The following SOX5 variants were observed in gnomAD, a reference collection of about 807,000 sequenced individuals.
SOX5 encodes the protein SRY-box transcription factor 5, also known as transcription factor SOX-5.
A neutral mutation model predicts 92.0 loss-of-function variants in SOX5; 9 were observed. The observed-to-expected ratio is 0.10, with a 90% CI of 0.06 to 0.17. The LOEUF (loss-of-function observed/expected upper bound fraction) is 0.17, where lower values mean the gene tolerates loss of function less well. Ranked by LOEUF, SOX5 falls within the 10% of genes least tolerant of loss-of-function variation. The pLI, the probability that SOX5 is intolerant of heterozygous loss-of-function variation, is 1.00. For synonymous variants in SOX5, 344 were observed against 336.3 expected (o/e 1.02, Z -0.25); for missense variants, 642 against 944.5 (o/e 0.68, Z 4.20).
intron 3 of SOX5, among the ~76,000 whole-genome samples, chr12:24,242,757 A>G (rs931692614): frequency 2.0e-5 from 3 of 152,182 alleles, no homozygotes; most frequent in Non-Finnish European, 4.4e-5. Flanking sequence ...CCTCATGTAT[A>G]GTTAGCGAGA....
chr12:23,623,450 C>T (rs1262806558), intron 8 of SOX5, among the ~76,000 whole-genome samples: 3 of 152,028 alleles, frequency 2.0e-5, no homozygotes, highest in African/African-American at 7.2e-5. Flanking sequence ...TAAGATGTAG[C>T]CCAGCCCCAA....
intron 3 of SOX5, among the ~76,000 whole-genome samples, chr12:23,788,736 A>C (rs2141917072): frequency 6.6e-6 from 1 of 152,106 alleles, no homozygotes; most frequent in East Asian, 1.9e-4. Context: ...ACACAGCAGA[A>C]ATTCTATATT....
chr12:23,861,819 C>A (rs777272881), intron 2 of SOX5, among the ~76,000 whole-genome samples: 27 of 152,070 alleles, frequency 1.8e-4, no homozygotes, highest in Non-Finnish European at 3.7e-4. Context: ...AAGCTCCTTA[C>A]AAAAGTCCTT....
chr12:23,949,693 T>C (rs369084021), upstream of SOX5: 10 of 1,596,930 alleles, frequency 6.3e-6, no homozygotes, highest in African/African-American at 1.4e-5. Flanking sequence ...TCTAAACCAA[T>C]TGATTTTCTC....
intron 2 of SOX5, among the ~76,000 whole-genome samples, chr12:23,893,539 A>T (rs982502809): frequency 6.6e-6 from 1 of 152,054 alleles, no homozygotes; most frequent in African/African-American, 2.4e-5. Flanking sequence ...AGTTTAATAT[A>T]CTTCTCTCAT....
rs2097172928 is a variant in SOX5 at position 23,895,948 on chromosome 12, C to T, written c.115G>A (p.Val39Met). Residue 39 changes from valine to methionine, a missense_variant, in exon 2 of 15, where the codon GTG (valine) becomes ATG (methionine). Val to Met is a conservative substitution (Grantham distance 21, BLOSUM62 1). Coordinates refer to ENST00000451604, the MANE Select transcript of SOX5 (RefSeq NM_006940.6). ...AGCCCGTCACTCTCCTCTTCTTCCA[C>T]TTTCTGTCTGCTTGTCACCATGGCT... The part of the protein sequence containing the change: ...EVAMVTSRQK[V>M]EEEESDGLPA... The T allele has an allele frequency of 1.2e-6, 2 of 1,614,064 alleles. No homozygotes were observed. The highest frequency in any genetic ancestry group is 1.7e-6 in the Non-Finnish European group (2 of 1,180,006).
intron 1 of SOX5, among the ~76,000 whole-genome samples, chr12:24,406,285 C>A (rs185623339): frequency 6.6e-6 from 1 of 152,040 alleles, no homozygotes; most frequent in Admixed American, 6.5e-5. Flanking sequence ...GGGAGTAGGG[C>A]GCTGAAGGAG....
intron 3 of SOX5, among the ~76,000 whole-genome samples, chr12:24,228,535 C>A (rs925036410): frequency 6.6e-6 from 1 of 152,076 alleles, no homozygotes; most frequent in African/African-American, 2.4e-5. Flanking sequence ...CCTCTTCTCC[C>A]ACCACACACA....
intron 1 of SOX5, among the ~76,000 whole-genome samples, chr12:24,476,247 A>G (rs759454919): frequency 6.6e-6 from 1 of 152,220 alleles, no homozygotes; most frequent in Non-Finnish European, 1.5e-5. Context: ...GTGAAAAATC[A>G]GGGCTTGGAT....
At chr12:23,570,972 T>A (rs1592167735) in intron 10 of SOX5, among the ~76,000 whole-genome samples, 17 of 113,050 alleles carry the variant, frequency 1.5e-4, no homozygotes, top group Non-Finnish European at 2.6e-4. Flanking sequence ...TATATATATA[T>A]ATATATATAT....
intron 8 of SOX5, among the ~76,000 whole-genome samples, chr12:23,612,179 G>T (rs1302890455): frequency 6.6e-6 from 1 of 151,868 alleles, no homozygotes; most frequent in Non-Finnish European, 1.5e-5. Context: ...GAAAGGAGAG[G>T]TATGCCATAA....
chr12:23,932,997 C>CT (rs1941777402), intron 1 of SOX5, among the ~76,000 whole-genome samples: 1 of 151,620 alleles, frequency 6.6e-6, no homozygotes, highest in Non-Finnish European at 1.5e-5. Flanking sequence ...CTACTCTTCC[C>CT]TATAGTAGCC....
chr12:23,991,029 G>C (rs576182419), intron 4 of SOX5, among the ~76,000 whole-genome samples: 48 of 147,582 alleles, frequency 3.3e-4, no homozygotes, highest in African/African-American at 1.1e-3. Context: ...GAGGCCAAAT[G>C]AGCTTCGTAA....
At chr12:24,258,709 C>T in intron 3 of SOX5, among the ~76,000 whole-genome samples, 1 of 152,172 alleles carries the variant, frequency 6.6e-6, no homozygotes. Flanking sequence ...TTTCCTATAT[C>T]ATCTTAGCTA....
chr12:23,679,066 C>A (rs898745370), intron 6 of SOX5, among the ~76,000 whole-genome samples: 2 of 152,092 alleles, frequency 1.3e-5, no homozygotes, highest in African/African-American at 2.4e-5. Context: ...TCCTAGGAAT[C>A]TTTTCTGCTA....
chr12:23,954,161 A>T (rs1945997260), upstream of SOX5, among the ~76,000 whole-genome samples: 1 of 152,012 alleles, frequency 6.6e-6, no homozygotes, highest in Non-Finnish European at 1.5e-5. Context: ...CTTCTATTTT[A>T]ATACCTGAAA....
chr12:24,468,008 G>A (rs1210247638), intron 1 of SOX5, among the ~76,000 whole-genome samples: 5 of 152,188 alleles, frequency 3.3e-5, no homozygotes, highest in African/African-American at 1.2e-4. Flanking sequence ...AGAATTTCAA[G>A]TGGAAATGGG....
At chr12:23,539,456 A>G (rs1468845031) in intron 13 of SOX5, among the ~76,000 whole-genome samples, 1 of 152,160 alleles carries the variant, frequency 6.6e-6, no homozygotes, top group Non-Finnish European at 1.5e-5. Context: ...AGGCAAGATC[A>G]ATCCTCTGCA....
At chr12:23,705,721 G>T in intron 6 of SOX5, among the ~76,000 whole-genome samples, 1 of 152,046 alleles carries the variant, frequency 6.6e-6, no homozygotes, top group East Asian at 1.9e-4. Flanking sequence ...CCTTATGAAT[G>T]AACCTGTTGG....
Sources: allele counts gnomAD v4.1 joint callset (sites outside exome capture counted in the v4.1 genomes callset), GRCh38; gene constraint gnomAD v4.1.1; transcripts MANE v1.5; gene names NCBI Gene and HGNC (gene_info 2026-07-23, HGNC 2026-07-21).